Variants in GLI3 observed in about 807,000 individuals in gnomAD.
GLI3 encodes the protein transcription activator GLI3.
In GLI3, 20 loss-of-function variants were observed where a neutral mutation model predicts 100.8. The ratio of observed to expected loss-of-function variants is 0.20; its 90% confidence interval spans 0.14 to 0.29. The LOEUF (loss-of-function observed/expected upper bound fraction) is 0.29, where lower values mean the gene tolerates loss of function less well. Among genes scored for constraint, GLI3 ranks in the 10% least tolerant of loss-of-function variants. The pLI is 1.00. For synonymous variants in GLI3, 938 were observed against 860.5 expected (o/e 1.09, Z -1.58); for missense variants, 2,040 against 2,128.5 (o/e 0.96, Z 0.82).
intron 3 of GLI3, among the ~76,000 whole-genome samples, chr7:42,093,471 A>G (rs1785272014): frequency 6.6e-6 from 1 of 152,058 alleles, no homozygotes; most frequent in Admixed American, 6.5e-5. Context: ...GGTTACCACA[A>G]TCGTAGACAG....
At chr7:42,197,551 C>T (rs1787951554) in intron 2 of GLI3, among the ~76,000 whole-genome samples, 1 of 152,208 alleles carries the variant, frequency 6.6e-6, no homozygotes, top group South Asian at 2.1e-4. Context: ...CTCTGAATTC[C>T]TCTTCATTAC....
intron 2 of GLI3, among the ~76,000 whole-genome samples, chr7:42,193,887 T>A (rs1787875980): frequency 6.6e-6 from 1 of 152,218 alleles, no homozygotes; most frequent in African/African-American, 2.4e-5. Context: ...CATGTTCCCA[T>A]ATTTGCCTCA....
At chr7:42,137,516 C>CT (rs1362481731) in intron 3 of GLI3, among the ~76,000 whole-genome samples, 2 of 152,084 alleles carry the variant, frequency 1.3e-5, no homozygotes, top group Non-Finnish European at 2.9e-5. Context: ...GGCAGCTTCT[C>CT]TTTTTTTATT....
chr7:42,199,282 T>C (rs575486649), intron 2 of GLI3, among the ~76,000 whole-genome samples: 6 of 152,316 alleles, frequency 3.9e-5, no homozygotes, highest in Admixed American at 2.0e-4. Flanking sequence ...AGATGAAAAT[T>C]TTCCATTGTT....
intron 3 of GLI3, among the ~76,000 whole-genome samples, chr7:42,109,064 T>C (rs567892187): frequency 6.6e-6 from 1 of 152,334 alleles, no homozygotes; most frequent in Non-Finnish European, 1.5e-5. Context: ...AGCCCATCAA[T>C]GCATCTTAGC....
chr7:42,072,508 A>G (rs911399511), intron 4 of GLI3, among the ~76,000 whole-genome samples: 3 of 152,252 alleles, frequency 2.0e-5, no homozygotes, highest in Non-Finnish European at 4.4e-5. Context: ...AATGCAAGAG[A>G]GAAAGTACTT....
In GLI3 at chr7:42,134,766, G is replaced by A. The variant is rs528950596; in HGVS notation, c.367+13460C>T. On this transcript the variant is annotated intron_variant, in intron 3 of 14. Transcript: ENST00000395925. ...TTAGCAAGGGTCAGGATGAGCTCACGTGAAATTTTCCCTGCAAGAAAACTC... is the reference window on the plus strand; with the variant it reads ...TTAGCAAGGGTCAGGATGAGCTCACATGAAATTTTCCCTGCAAGAAAACTC... Among the ~76,000 whole-genome samples, 10 of 152,234 alleles carry A rather than the reference G, an allele frequency of 6.6e-5. 1 individual carries two copies. The South Asian group carries it at 1.7e-3, about 25-fold the overall frequency.
At chr7:42,196,919 G>A (rs1787937814) in intron 2 of GLI3, among the ~76,000 whole-genome samples, 1 of 152,222 alleles carries the variant, frequency 6.6e-6, no homozygotes, top group Admixed American at 6.5e-5. Flanking sequence ...TTTCTCAACA[G>A]AAAGGACATG....
chr7:42,248,699 C>G (rs528320978), intron 1 of GLI3, among the ~76,000 whole-genome samples: 1 of 152,152 alleles, frequency 6.6e-6, no homozygotes, highest in African/African-American at 2.4e-5. Flanking sequence ...ATCATGTGAC[C>G]ACATGTTAAT....
chr7:41,992,604 G>A (rs1788019023), intron 10 of GLI3, among the ~76,000 whole-genome samples: 2 of 152,088 alleles, frequency 1.3e-5, no homozygotes, highest in African/African-American at 4.8e-5. Flanking sequence ...AATGGAGACT[G>A]TACAGAGGAT....
intron 3 of GLI3, chr7:42,145,324 A>G (rs1786675309): frequency 5.3e-6 from 2 of 375,774 alleles, no homozygotes; most frequent in Non-Finnish European, 9.4e-6. Context: ...TATATCTTTT[A>G]TGTTCCTGCA....
intron 3 of GLI3, among the ~76,000 whole-genome samples, chr7:42,125,171 C>G (rs1006453858): frequency 1.3e-5 from 2 of 152,144 alleles, no homozygotes; most frequent in Admixed American, 6.5e-5. Context: ...ACAGTCCTCA[C>G]GCTAACAAGT....
At chr7:42,246,237 G>A (rs1360114765) in intron 1 of GLI3, among the ~76,000 whole-genome samples, 1 of 152,212 alleles carries the variant, frequency 6.6e-6, no homozygotes, top group African/African-American at 2.4e-5. Flanking sequence ...TGTGCCTGGA[G>A]TAGAAAGACT....
At chr7:41,988,110 A>C (rs1360029134) in intron 10 of GLI3, among the ~76,000 whole-genome samples, 2 of 152,180 alleles carry the variant, frequency 1.3e-5, no homozygotes, top group Non-Finnish European at 2.9e-5. Context: ...TATGGTCTGA[A>C]TGTGTCACCC....
chr7:41,994,179 C>A (rs1788064188), intron 10 of GLI3, among the ~76,000 whole-genome samples: 1 of 152,168 alleles, frequency 6.6e-6, no homozygotes, highest in Admixed American at 6.5e-5. Context: ...GGAGGAAAAA[C>A]AAAGACCAAG....
chr7:42,128,141 TAGGAAG>T (rs1786182360), intron 3 of GLI3, among the ~76,000 whole-genome samples: 1 of 152,080 alleles, frequency 6.6e-6, no homozygotes, highest in Admixed American at 6.5e-5. Flanking sequence ...TATACATATA[TAGGAAG>T]ATGTTTGGAG....
At chr7:42,250,287 C>A (rs975122530) in intron 1 of GLI3, among the ~76,000 whole-genome samples, 3 of 152,070 alleles carry the variant, frequency 2.0e-5, no homozygotes, top group African/African-American at 7.2e-5. Context: ...AAGAAAAAAA[C>A]CATACCAACA....
At chr7:42,242,127 T>C (rs1037107889), upstream of GLI3, among the ~76,000 whole-genome samples, 2 of 152,172 alleles carry the variant, frequency 1.3e-5, no homozygotes, top group Non-Finnish European at 2.9e-5. Context: ...CCATCTCTTA[T>C]CCACCTGGCA....
chr7:42,111,382 G>GTCAGA (rs1423488367), intron 3 of GLI3, among the ~76,000 whole-genome samples: 1 of 152,184 alleles, frequency 6.6e-6, no homozygotes, highest in African/African-American at 2.4e-5. Flanking sequence ...AGATCAAGGG[G>GTCAGA]TCTGGACGGT....
Sources: gnomAD v4.1 joint callset for allele counts (sites outside exome capture counted in the v4.1 genomes callset) on GRCh38, gnomAD v4.1.1 for gene constraint, MANE v1.5 for transcripts, NCBI Gene and HGNC (gene_info 2026-07-23, HGNC 2026-07-21) for gene names.